The following ATP8B4 variants were observed in gnomAD, a reference collection of about 807,000 sequenced individuals.
ATP8B4 encodes the protein probable phospholipid-transporting ATPase IM.
Under a neutral mutation model 145.6 loss-of-function variants are expected in ATP8B4, and 133 were observed. The observed-to-expected ratio is 0.91, with a 90% CI of 0.79 to 1.05. The LOEUF is 1.05. Among genes scored for constraint, ATP8B4 ranks in the 50% least tolerant of loss-of-function variants. ATP8B4 has a pLI of 0.00. For synonymous variants in ATP8B4, 507 were observed against 492.9 expected (o/e 1.03, Z -0.38); for missense variants, 1,458 against 1,425.2 (o/e 1.02, Z -0.37).
intron 7 of ATP8B4, among the ~76,000 whole-genome samples, chr15:50,006,371 G>C (rs1392518327): frequency 3.3e-5 from 5 of 150,488 alleles, no homozygotes; most frequent in Non-Finnish European, 7.4e-5. Context: ...ATCAGAGAGA[G>C]AGACAGAAAG....
At chr15:49,919,125 C>T (rs550077117) in intron 18 of ATP8B4, among the ~76,000 whole-genome samples, 175 bp from the exon 19 acceptor site, 1 of 152,282 alleles carries the variant, frequency 6.6e-6, no homozygotes, top group South Asian at 2.1e-4. Context: ...GGAAGGACTC[C>T]AGAAGGAAGT....
At chr15:50,047,583 T>A in intron 3 of ATP8B4, 119 bp from the exon 4 acceptor site, 3 of 685,166 alleles carry the variant, frequency 4.4e-6, no homozygotes, top group Non-Finnish European at 7.7e-6. Context: ...TCTAGGAAAT[T>A]TCAACTCTGT....
intron 10 of ATP8B4, among the ~76,000 whole-genome samples, chr15:49,982,857 T>C (rs2046279490): frequency 6.6e-6 from 1 of 152,208 alleles, no homozygotes; most frequent in Admixed American, 6.5e-5. Flanking sequence ...TCTGGTGTTA[T>C]CATCAATATC....
At chr15:50,168,748 C>T (rs2140860861) in intron 1 of ATP8B4, among the ~76,000 whole-genome samples, 1 of 152,288 alleles carries the variant, frequency 6.6e-6, no homozygotes, top group South Asian at 2.1e-4. Context: ...GACTAAAGCC[C>T]TTTTCTCTTG....
Position 50,099,160 on chromosome 15 carries a change from C to T in ATP8B4, c.28+7779G>A, listed in dbSNP as rs143042934. Among the ~76,000 whole-genome samples, 24 of 152,316 alleles carry T rather than the reference C, an allele frequency of 1.6e-4. No homozygotes were observed. The East Asian group carries it at 3.9e-3, about 24-fold the overall frequency. On this transcript the variant is annotated intron_variant, in intron 2 of 27. Coordinates refer to ENST00000284509, the MANE Select transcript of ATP8B4 (RefSeq NM_024837.4). ...ACAGCTAAGCTGGTTTAAAGAAGGC[C>T]TCTAATTATGTACTTCTTTTGCTTC...
chr15:50,140,582 A>G (rs2153679797), intron 1 of ATP8B4, among the ~76,000 whole-genome samples: 1 of 152,338 alleles, frequency 6.6e-6, no homozygotes, highest in Middle Eastern at 3.4e-3. Context: ...GTTATTTACC[A>G]AAGTAGATCA....
intron 1 of ATP8B4, among the ~76,000 whole-genome samples, chr15:50,179,052 G>T (rs1056924999): frequency 3.3e-5 from 5 of 152,172 alleles, no homozygotes; most frequent in Admixed American, 6.5e-5. Flanking sequence ...GTAAGAACAA[G>T]CCAGTAGAAA....
At chr15:49,946,480 C>T (rs1360225599) in intron 14 of ATP8B4, among the ~76,000 whole-genome samples, 1 of 152,218 alleles carries the variant, frequency 6.6e-6, no homozygotes, top group Non-Finnish European at 1.5e-5. Context: ...AGCATCTTCT[C>T]TTGCCTAGCA....
At chr15:50,149,689 A>C (rs1261438705) in intron 1 of ATP8B4, among the ~76,000 whole-genome samples, 1 of 152,250 alleles carries the variant, frequency 6.6e-6, no homozygotes. Flanking sequence ...CTCTCTAAAA[A>C]TAAATGATAT....
intron 2 of ATP8B4, among the ~76,000 whole-genome samples, chr15:50,084,885 C>T (rs1268980590): frequency 1.3e-5 from 2 of 152,172 alleles, no homozygotes; most frequent in Non-Finnish European, 2.9e-5. Context: ...CTGGGCCTAC[C>T]TCCATCATTC....
At chr15:50,011,847 C>A (rs563420972) in intron 6 of ATP8B4, among the ~76,000 whole-genome samples, 1 of 152,094 alleles carries the variant, frequency 6.6e-6, no homozygotes, top group Non-Finnish European at 1.5e-5. Flanking sequence ...ATGAGTAGAG[C>A]AGGTTTGCCC....
intron 5 of ATP8B4, among the ~76,000 whole-genome samples, chr15:50,044,143 C>T (rs1284761328): frequency 2.6e-5 from 4 of 152,178 alleles, no homozygotes; most frequent in African/African-American, 9.7e-5. Context: ...CTAACCCCCA[C>T]ATCATTCAAG....
chr15:50,158,072 G>A (rs2140832223), intron 1 of ATP8B4, among the ~76,000 whole-genome samples: 1 of 152,330 alleles, frequency 6.6e-6, no homozygotes, highest in Admixed American at 6.5e-5. Context: ...TGGTGCCCAG[G>A]CTGGAGTGCA....
At chr15:50,165,474 TG>T (rs2140853009) in intron 1 of ATP8B4, among the ~76,000 whole-genome samples, 1 of 152,252 alleles carries the variant, frequency 6.6e-6, no homozygotes, top group East Asian at 1.9e-4. Flanking sequence ...GTGTTCCTGG[TG>T]GGGGATGGTG....
At position 49,913,171 on chromosome 15, in the gene ATP8B4, A is replaced by G. The variant is rs150335772; in HGVS notation, c.2141+3763T>C. Among the ~76,000 whole-genome samples the G allele has an allele frequency of 4.0e-3, 607 of 151,872 alleles. 5 individuals are homozygous for G. Among genetic ancestry groups the G allele is most frequent in the African/African-American group, 0.014 (587 of 41,286 alleles). On this transcript the variant is annotated intron_variant, in intron 20 of 27. Transcript: ENST00000284509. ...AAAAAAATTCCTACAACAGATCAAA[A>G]ATATAATACACCACGATCAAGTGAA...
chr15:49,942,381 T>C (rs2065438419), intron 14 of ATP8B4, among the ~76,000 whole-genome samples: 1 of 151,746 alleles, frequency 6.6e-6, no homozygotes, highest in Non-Finnish European at 1.5e-5. Flanking sequence ...AAGCCAACAA[T>C]CTATAAAGCA....
intron 3 of ATP8B4, among the ~76,000 whole-genome samples, chr15:50,059,083 C>T (rs1445263168): frequency 1.3e-5 from 2 of 152,072 alleles, no homozygotes; most frequent in Non-Finnish European, 2.9e-5. Flanking sequence ...GGAATTTTCA[C>T]CAAATTTGAG....
intron 14 of ATP8B4, among the ~76,000 whole-genome samples, chr15:49,954,878 C>T (rs1402205043): frequency 1.3e-5 from 2 of 152,132 alleles, no homozygotes; most frequent in Non-Finnish European, 2.9e-5. Flanking sequence ...CACCCATATG[C>T]CTATCACATT....
rs192520293 is a variant in ATP8B4, at chr15:49,949,161, G to A, written c.1287+12816C>T. Among the ~76,000 whole-genome samples, 4 of 152,236 alleles carry A rather than the reference G, an allele frequency of 2.6e-5. No homozygotes were observed. The East Asian group carries it at 7.7e-4, about 29-fold the overall frequency. ...GTCTTGGCTATACAGGGTCTTCTTC[G>A]ATTCCATATGAAATTTAACATAGCT... On this transcript the variant is annotated intron_variant, in intron 14 of 27. Transcript: ENST00000284509.
Sources: allele counts gnomAD v4.1 joint callset (sites outside exome capture counted in the v4.1 genomes callset), GRCh38; gene constraint gnomAD v4.1.1; transcripts MANE v1.5; gene names NCBI Gene and HGNC (gene_info 2026-07-23, HGNC 2026-07-21).